ZCCHC14: variants seen among roughly 807,000 people sequenced by gnomAD.
ZCCHC14 encodes the protein zinc finger CCHC domain-containing protein 14.
A neutral mutation model predicts 85.0 loss-of-function variants in ZCCHC14; 16 were observed. The observed-to-expected ratio is 0.19, with a 90% CI of 0.13 to 0.29. The LOEUF (loss-of-function observed/expected upper bound fraction) is 0.29, where lower values mean the gene tolerates loss of function less well. Among genes scored for constraint, ZCCHC14 ranks in the 10% least tolerant of loss-of-function variants. The probability of loss-of-function intolerance (pLI) is 1.00; values close to 1 mark genes in which losing one functional copy is unlikely to be tolerated. For missense variants in ZCCHC14, 1,303 were observed against 1,443.5 expected, an observed-to-expected ratio of 0.90 and a Z score of 1.58; for synonymous variants, 775 against 630.7, an observed-to-expected ratio of 1.23 and a Z score of -3.43.
intron 2 of ZCCHC14, among the ~76,000 whole-genome samples, chr16:87,445,405 G>T (rs1469983401): frequency 6.6e-6 from 1 of 152,100 alleles, no homozygotes; most frequent in Non-Finnish European, 1.5e-5. Flanking sequence ...TATTCCCTCA[G>T]TGTGTACCAT....
chr16:87,412,053 T>C lies in ZCCHC14; in HGVS notation c.2668A>G (p.Thr890Ala), dbSNP rs773409582. 3.1e-6 allele frequency: 5 copies of C among 1,609,782 alleles called. 1 individual carries two copies. The Middle Eastern group carries it at 6.7e-4, about 216-fold the overall frequency. ...FYSSSGGGGS[T>A]GNIPASNPNH... ...GGATTCGAGGCAGGAATGTTTCCTGTGGAGCCGCCACCGCCACTGCTGCTA... is the reference window on the plus strand; with the variant it reads ...GGATTCGAGGCAGGAATGTTTCCTGCGGAGCCGCCACCGCCACTGCTGCTA... Residue 890 changes from threonine (T) to alanine (A), a missense_variant, in exon 12 of 13, where the codon ACA becomes GCA. Coordinates refer to ENST00000671377, the MANE Select transcript of ZCCHC14 (RefSeq NM_015144.3).
At chr16:87,489,074 A>C (rs1050377832) in intron 1 of ZCCHC14, among the ~76,000 whole-genome samples, 5 of 152,258 alleles carry the variant, frequency 3.3e-5, no homozygotes, top group African/African-American at 9.6e-5. Context: ...AAGAAAGCAA[A>C]ATACTTAAAT....
At chr16:87,444,865 A>G (rs1006400982) in intron 2 of ZCCHC14, among the ~76,000 whole-genome samples, 1 of 152,170 alleles carries the variant, frequency 6.6e-6, no homozygotes, top group Non-Finnish European at 1.5e-5. Context: ...GAATGGGAGT[A>G]AGCCTGAGAA....
intron 2 of ZCCHC14, among the ~76,000 whole-genome samples, chr16:87,445,699 C>A (rs955042972): frequency 1.3e-5 from 2 of 152,132 alleles, no homozygotes; most frequent in Non-Finnish European, 2.9e-5. Context: ...GATGACGCGC[C>A]GACCTGAGAA....
At chr16:87,476,581 T>G (rs915315884) in intron 1 of ZCCHC14, among the ~76,000 whole-genome samples, 1 of 151,786 alleles carries the variant, frequency 6.6e-6, no homozygotes, top group African/African-American at 2.4e-5. Flanking sequence ...TACAGTGTCA[T>G]CTCTAGACCA....
At chr16:87,446,713 A>G (rs1002811587) in intron 2 of ZCCHC14, among the ~76,000 whole-genome samples, 1 of 151,756 alleles carries the variant, frequency 6.6e-6, no homozygotes, top group Non-Finnish European at 1.5e-5. Flanking sequence ...TTTTTGAGAT[A>G]GAGTTTCGCT....
At chr16:87,424,477 G>C (rs947517516) in intron 3 of ZCCHC14, among the ~76,000 whole-genome samples, 1 of 152,292 alleles carries the variant, frequency 6.6e-6, no homozygotes, top group Middle Eastern at 3.4e-3. Context: ...AGGAGATTCT[G>C]CAACGTCTGG....
At chr16:87,475,866 C>G (rs1347717872) in intron 1 of ZCCHC14, among the ~76,000 whole-genome samples, 2 of 152,098 alleles carry the variant, frequency 1.3e-5, no homozygotes, top group African/African-American at 4.8e-5. Flanking sequence ...TTTCCCACAG[C>G]TGGCAGAAGG....
At chr16:87,422,296 G>A (rs1909140656) in intron 4 of ZCCHC14, among the ~76,000 whole-genome samples, 1 of 152,068 alleles carries the variant, frequency 6.6e-6, no homozygotes, top group South Asian at 2.1e-4. Context: ...CCACCCAGAC[G>A]TACACACAGA....
Position 87,492,454 on chromosome 16 carries a change from G to T in ZCCHC14, c.-216C>A, listed in dbSNP as rs1221472778. The T allele has an allele frequency of 6.9e-6, 1 of 144,944 alleles. No homozygotes were observed. Among genetic ancestry groups the T allele is most frequent in the Admixed American group, 6.8e-5 (1 of 14,668 alleles). The allele number at this position is 144,944 out of a possible 1,614,324, so 9.0% of individuals were successfully genotyped here. ...GCTCCCGTCAGGGGCCGGCGGGCGGGCGCGCGCGGGGCGCCGGGGGGGCCC... is the reference window on the plus strand; with the variant it reads ...GCTCCCGTCAGGGGCCGGCGGGCGGTCGCGCGCGGGGCGCCGGGGGGGCCC... On this transcript the variant is annotated 5_prime_UTR_variant, in exon 1 of 13. Coordinates refer to ENST00000671377, the MANE Select transcript of ZCCHC14 (RefSeq NM_015144.3). This position sits in a 1 kb window ranked among gnomAD's most constrained non-coding sequence, Gnocchi z 6.7.
Position 87,464,740 on chromosome 16 carries a change from T to A in ZCCHC14, c.571-4609A>T, listed in dbSNP as rs191008221. ...TCCAACCAAGCCTTTATCGTAACTTTGTTCCTTTGTTTACATTGAAAGCTG... is the reference window on the plus strand; with the variant it reads ...TCCAACCAAGCCTTTATCGTAACTTAGTTCCTTTGTTTACATTGAAAGCTG... On this transcript the variant is annotated intron_variant, in intron 1 of 12. Coordinates refer to ENST00000671377, the MANE Select transcript of ZCCHC14 (RefSeq NM_015144.3). Among the ~76,000 whole-genome samples, 666 of 152,358 alleles carry A rather than the reference T, an allele frequency of 4.4e-3. 2 individuals carry two copies. Among genetic ancestry groups the A allele is most frequent in the African/African-American group, 0.015 (611 of 41,588 alleles).
rs1908339936 is a variant in ZCCHC14, at chr16:87,409,466, A to C, written c.*814T>G. On this transcript the variant is annotated 3_prime_UTR_variant, in exon 13 of 13. Transcript: ENST00000671377. ...AAAGCCACTGACTGGCTGGGAAGAA[A>C]GATACTCTCAAAGCTTTGACGACTA... 6.6e-6 allele frequency: 1 copy of C among 152,260 alleles called. No homozygotes were observed. The highest frequency in any genetic ancestry group is 2.4e-5 in the African/African-American group (1 of 41,464). 9.4% of individuals were successfully genotyped at this position (152,260 alleles called of 1,614,324 possible).
chr16:87,410,364 T>G (rs201540974), intron 12 of ZCCHC14, 29 bp from the exon 13 acceptor site: 1 of 768,612 alleles, frequency 1.3e-6, no homozygotes, highest in East Asian at 2.5e-5. Flanking sequence ...AGAGGTCAAA[T>G]TTGAATGACT....
At chr16:87,467,459 C>T (rs1213726324) in intron 1 of ZCCHC14, 43 of 1,606,188 alleles carry the variant, frequency 2.7e-5, no homozygotes, top group South Asian at 6.6e-5. Flanking sequence ...TTTCTGTTCA[C>T]GGTGTGAGTA....
intron 1 of ZCCHC14, among the ~76,000 whole-genome samples, chr16:87,489,154 C>G (rs1397151074): frequency 1.3e-5 from 2 of 152,212 alleles, no homozygotes; most frequent in Non-Finnish European, 2.9e-5. Flanking sequence ...AGCTTTGAAG[C>G]AGCAACAGAA....
chr16:87,455,248 A>C (rs535939627), intron 2 of ZCCHC14, among the ~76,000 whole-genome samples: 1 of 151,896 alleles, frequency 6.6e-6, no homozygotes, highest in South Asian at 2.1e-4. Context: ...AGATCGTGCC[A>C]TTGTGTTCCA....
intron 1 of ZCCHC14, chr16:87,467,634 C>G (rs893082009): frequency 1.8e-5 from 18 of 999,744 alleles, no homozygotes; most frequent in Non-Finnish European, 2.7e-5. Flanking sequence ...CTTGGGGACT[C>G]TGAATTTCCC....
At chr16:87,478,039 G>A (rs1215337856) in intron 1 of ZCCHC14, among the ~76,000 whole-genome samples, 1 of 152,222 alleles carries the variant, frequency 6.6e-6, no homozygotes, top group Non-Finnish European at 1.5e-5. Flanking sequence ...CCTGTAGCCT[G>A]CTGCTCCTCA....
intron 2 of ZCCHC14, among the ~76,000 whole-genome samples, chr16:87,447,814 A>G (rs1379252120): frequency 6.6e-6 from 1 of 152,190 alleles, no homozygotes; most frequent in Non-Finnish European, 1.5e-5. Context: ...TAATCCTCCC[A>G]TCAGCTGCGG....
Sources: gnomAD v4.1 joint callset for allele counts (sites outside exome capture counted in the v4.1 genomes callset) on GRCh38, gnomAD v4.1.1 for gene constraint, Gnocchi (gnomAD v3.1) non-coding constraint, MANE v1.5 for transcripts, NCBI Gene and HGNC (gene_info 2026-07-23, HGNC 2026-07-21) for gene names.